Variants in CRISPLD2 observed in about 807,000 individuals in gnomAD.
CRISPLD2 encodes the protein cysteine-rich secretory protein LCCL domain-containing 2.
In CRISPLD2, 47 loss-of-function variants were observed where a neutral mutation model predicts 71.1. The ratio of observed to expected loss-of-function variants is 0.66; its 90% confidence interval spans 0.52 to 0.84. The LOEUF is 0.84. Among genes scored for constraint, CRISPLD2 ranks in the 40% least tolerant of loss-of-function variants. CRISPLD2 has a pLI of 0.00. For missense variants in CRISPLD2, 830 were observed against 651.1 expected, an observed-to-expected ratio of 1.27 and a Z score of -2.99; for synonymous variants, 317 against 250.1, an observed-to-expected ratio of 1.27 and a Z score of -2.52.
intron 13 of CRISPLD2, among the ~76,000 whole-genome samples, chr16:84,886,418 G>A (rs547061037): frequency 8.7e-4 from 133 of 152,338 alleles, no homozygotes; most frequent in Non-Finnish European, 1.4e-3. Context: ...CTATGAGACT[G>A]TGCCAGGGAT....
intron 14 of CRISPLD2, among the ~76,000 whole-genome samples, chr16:84,895,071 C>A (rs1478818148): frequency 6.6e-6 from 1 of 152,134 alleles, no homozygotes; most frequent in Non-Finnish European, 1.5e-5. Context: ...AGGTTCCCCT[C>A]CTCCACTCGT....
intron 3 of CRISPLD2, 132 bp downstream of exon 3, chr16:84,846,036 G>A (rs573889950): frequency 2.0e-5 from 12 of 596,108 alleles, no homozygotes; most frequent in Admixed American, 1.6e-4. Context: ...CGATATTCTG[G>A]GAAACTGAGG....
intron 1 of CRISPLD2, among the ~76,000 whole-genome samples, chr16:84,828,608 T>C (rs1916412746): frequency 6.6e-6 from 1 of 152,130 alleles, no homozygotes; most frequent in African/African-American, 2.4e-5. Flanking sequence ...CCACACGTCT[T>C]CAAGAAGGGA....
At chr16:84,898,815 G>C (rs1477267621) in intron 14 of CRISPLD2, among the ~76,000 whole-genome samples, 1 of 152,176 alleles carries the variant, frequency 6.6e-6, no homozygotes, top group Non-Finnish European at 1.5e-5. Flanking sequence ...AGAGTTGGTT[G>C]AGGGCTTTTA....
intron 1 of CRISPLD2, among the ~76,000 whole-genome samples, chr16:84,823,960 C>T (rs1226665985): frequency 6.6e-6 from 1 of 152,120 alleles, no homozygotes; most frequent in African/African-American, 2.4e-5. Flanking sequence ...TGGAACTGAC[C>T]CTACCCCAAA....
intron 14 of CRISPLD2, among the ~76,000 whole-genome samples, chr16:84,895,153 G>A (rs533082722): frequency 3.3e-5 from 5 of 152,244 alleles, no homozygotes; most frequent in Admixed American, 2.0e-4. Context: ...AGTAGGAACC[G>A]TCATTATCCC....
rs2071640440 is a variant in CRISPLD2 at position 84,889,295 on chromosome 16, G to A, written c.1371G>A (p.Val457=). ...TCAGCAACGAGAGTGGGGGTGACGT[G>A]GACGTGATGCCCGTGGATAAAAAGA... is the stretch of plus-strand genomic sequence containing the variant. ...GVISNESGGD[V]DVMPVDKKKT... Residue 457 remains valine (V), a synonymous_variant, in exon 14 of 15, where the codon GTG becomes GTA. Transcript: ENST00000262424. The A allele has an allele frequency of 5.6e-6, 9 of 1,614,132 alleles. No homozygotes were observed. Among genetic ancestry groups the A allele is most frequent in the Non-Finnish European group, 6.8e-6 (8 of 1,180,026 alleles).
At chr16:84,822,424 G>T (rs1381420166) in intron 1 of CRISPLD2, among the ~76,000 whole-genome samples, 1 of 152,204 alleles carries the variant, frequency 6.6e-6, no homozygotes, top group Non-Finnish European at 1.5e-5. Context: ...GTTTTTGGAG[G>T]CAGGGCACTG....
chr16:84,851,448 A>T (rs1917087869), intron 5 of CRISPLD2, among the ~76,000 whole-genome samples: 1 of 150,394 alleles, frequency 6.6e-6, no homozygotes, highest in Non-Finnish European at 1.5e-5. Context: ...TGCCCTGTGT[A>T]GAGTGGGCCC....
At chr16:84,854,162 C>A (rs187175529) in intron 5 of CRISPLD2, among the ~76,000 whole-genome samples, 54 of 152,326 alleles carry the variant, frequency 3.5e-4, no homozygotes, top group African/African-American at 1.3e-3. Flanking sequence ...TGTCCTGTGA[C>A]CTGGGGCAAG....
intron 12 of CRISPLD2, among the ~76,000 whole-genome samples, chr16:84,879,974 C>T (rs1375036732): frequency 1.3e-5 from 2 of 152,212 alleles, no homozygotes; most frequent in Non-Finnish European, 2.9e-5. Context: ...AGGTGCTTTC[C>T]TCATGCCCTG....
At chr16:84,871,460 G>A (rs1430728147) in intron 8 of CRISPLD2, among the ~76,000 whole-genome samples, 1 of 152,114 alleles carries the variant, frequency 6.6e-6, no homozygotes, top group Admixed American at 6.5e-5. Flanking sequence ...GATCACCTGA[G>A]CCCAGGAAGT....
chr16:84,899,351 A>G (rs934892900), intron 14 of CRISPLD2, among the ~76,000 whole-genome samples: 5 of 146,334 alleles, frequency 3.4e-5, no homozygotes, highest in African/African-American at 1.2e-4. Flanking sequence ...AGCTAATCCA[A>G]AAAGAGAATC....
rs1274445985 is a variant in CRISPLD2, at chr16:84,880,527, C to T, written c.1248C>T (p.His416=). 23 of 1,613,632 alleles carry T rather than the reference C, an allele frequency of 1.4e-5. No homozygotes were observed. Among genetic ancestry groups the T allele is most frequent in the Non-Finnish European group, 1.7e-5 (20 of 1,179,766 alleles). Reference sequence around the variant, plus strand: ...TTTTCAGAATCCATTGTCCGGCACACTGCAAAGACGAACCTTCCTACTGGG... The same window carrying T: ...TTTTCAGAATCCATTGTCCGGCACATTGCAAAGACGAACCTTCCTACTGGG... ...THCPRIHCPA[H]CKDEPSYWAP... is the part of the protein sequence containing the mutation. Residue 416 remains histidine (H), a synonymous_variant, in exon 13 of 15, where the codon CAC becomes CAT. Transcript: ENST00000262424.
intron 14 of CRISPLD2, among the ~76,000 whole-genome samples, chr16:84,893,467 C>G (rs1470734833): frequency 5.3e-5 from 8 of 152,208 alleles, no homozygotes; most frequent in African/African-American, 1.2e-4. Flanking sequence ...CCTTCCAACG[C>G]TCACTCCATG....
intron 4 of CRISPLD2, 37 bp downstream of exon 4, chr16:84,849,554 C>A (rs760941315): frequency 6.3e-5 from 101 of 1,603,492 alleles, no homozygotes; most frequent in Middle Eastern, 1.7e-4. Context: ...AGCCCTGCCC[C>A]CCAATCCCAG....
At chr16:84,889,428 G>A in intron 14 of CRISPLD2, 65 bp downstream of exon 14, 1 of 1,532,694 alleles carries the variant, frequency 6.5e-7, no homozygotes, top group African/African-American at 1.4e-5. Context: ...CAGGGGGCCT[G>A]GGAAGAGGCC....
At chr16:84,827,861 C>G (rs754311727) in intron 1 of CRISPLD2, among the ~76,000 whole-genome samples, 9 of 151,996 alleles carry the variant, frequency 5.9e-5, no homozygotes, top group Non-Finnish European at 1.0e-4. Flanking sequence ...GCCGCCGCAC[C>G]GGGCCTACAG....
intron 3 of CRISPLD2, among the ~76,000 whole-genome samples, chr16:84,847,971 GT>G (rs1426239414): frequency 1.3e-5 from 2 of 152,110 alleles, no homozygotes; most frequent in African/African-American, 2.4e-5. Context: ...TTTGTTTTTT[GT>G]TTTTGTCTTT....
Sources: allele counts gnomAD v4.1 joint callset (sites outside exome capture counted in the v4.1 genomes callset), GRCh38; gene constraint gnomAD v4.1.1; transcripts MANE v1.5; gene names NCBI Gene and HGNC (gene_info 2026-07-23, HGNC 2026-07-21).